Variants in ATG7 observed in about 807,000 individuals in gnomAD.
ATG7 encodes autophagy related 7, also known as ubiquitin-like modifier-activating enzyme ATG7.
In ATG7, 70 loss-of-function variants were observed where a neutral mutation model predicts 82.4. That is an observed-to-expected ratio of 0.85 (90% CI 0.70 to 1.04). ATG7 has a LOEUF of 1.04. Ranked by LOEUF, ATG7 falls within the 50% of genes least tolerant of loss-of-function variation. ATG7 has a pLI of 0.00. For synonymous variants in ATG7, 287 were observed against 313.0 expected (o/e 0.92, Z 0.88); for missense variants, 792 against 864.3 (o/e 0.92, Z 1.05).
In ATG7 at chr3:11,358,310, C is replaced by G; in HGVS notation, c.1285-108C>G. The G allele has an allele frequency of 3.6e-6, 4 of 1,109,870 alleles. No individual in the cohort carries two copies. In the South Asian group the frequency reaches 6.0e-5, roughly 17 times the overall value. The allele number at this position is 1,109,870 out of a possible 1,614,324, so 68.8% of individuals were successfully genotyped here. A position where few individuals can be genotyped will look rare whatever the true frequency, so the allele number is the denominator to read the frequency against. ...GCAGCATAATAGTGCACAGGGAGCTCTCATGTATGTGAACACAAGTAAGTG... is the reference window on the plus strand; with the variant it reads ...GCAGCATAATAGTGCACAGGGAGCTGTCATGTATGTGAACACAAGTAAGTG... On this transcript the variant is annotated intron_variant, in intron 14 of 20. Transcript: ENST00000693202.
intron 20 of ATG7, among the ~76,000 whole-genome samples, chr3:11,528,176 C>T (rs1179759690): frequency 2.0e-5 from 3 of 152,174 alleles, no homozygotes; most frequent in African/African-American, 7.2e-5. Context: ...TTTCACGGGG[C>T]AAGGTTTTCT....
chr3:11,296,484 G>T (rs1188708107), intron 3 of ATG7, among the ~76,000 whole-genome samples: 1 of 152,042 alleles, frequency 6.6e-6, no homozygotes, highest in African/African-American at 2.4e-5. Context: ...TCTAATCCAG[G>T]TCTTCATAAA....
chr3:11,449,490 T>C, intron 20 of ATG7, among the ~76,000 whole-genome samples: 1 of 152,116 alleles, frequency 6.6e-6, no homozygotes, highest in South Asian at 2.1e-4. Flanking sequence ...AGATTGAGAC[T>C]GAGAGGGTGA....
At chr3:11,524,137 C>A (rs1015032596) in intron 20 of ATG7, among the ~76,000 whole-genome samples, 13 of 152,194 alleles carry the variant, frequency 8.5e-5, no homozygotes, top group African/African-American at 2.9e-4. Context: ...CAAAAGGAAC[C>A]CCAAATCTCT....
chr3:11,527,108 T>A (rs1355057985), intron 20 of ATG7, among the ~76,000 whole-genome samples: 1 of 149,616 alleles, frequency 6.7e-6, no homozygotes, highest in Non-Finnish European at 1.5e-5. Flanking sequence ...CATATACATA[T>A]ACACACATTT....
chr3:11,535,723 G>A (rs113465598), intron 20 of ATG7, among the ~76,000 whole-genome samples: 3 of 152,108 alleles, frequency 2.0e-5, no homozygotes, highest in African/African-American at 4.8e-5. Context: ...GCGTGCGCTG[G>A]GGGGAGAACC....
chr3:11,564,769 C>G, the ATG7 span: 3 of 1,535,420 alleles, frequency 2.0e-6, no homozygotes, highest in Non-Finnish European at 2.6e-6. Flanking sequence ...CTGGACTCCC[C>G]ACGCCACCCT....
At chr3:11,553,595 T>TGACCCAGAGATAG (rs1234491910) in intron 20 of ATG7, among the ~76,000 whole-genome samples, 1 of 152,150 alleles carries the variant, frequency 6.6e-6, no homozygotes, top group Non-Finnish European at 1.5e-5. Context: ...GGTGGGGACC[T>TGACCCAGAGATAG]GACCCAGAGA....
At chr3:11,531,421 C>G (rs1003601847) in intron 20 of ATG7, among the ~76,000 whole-genome samples, 1 of 152,184 alleles carries the variant, frequency 6.6e-6, no homozygotes, top group Non-Finnish European at 1.5e-5. Flanking sequence ...AGGCAAAGCA[C>G]CTTCCTGAGG....
intron 20 of ATG7, among the ~76,000 whole-genome samples, chr3:11,442,379 C>A (rs1448501241): frequency 6.6e-6 from 1 of 152,064 alleles, no homozygotes; most frequent in East Asian, 1.9e-4. Flanking sequence ...GCTTTGAAAT[C>A]TTTAATACAA....
the ATG7 span, chr3:11,568,461 G>A: frequency 1.7e-6 from 2 of 1,170,710 alleles, no homozygotes; most frequent in Non-Finnish European, 2.4e-6. This position sits in a 1 kb window ranked among gnomAD's most constrained non-coding sequence, Gnocchi z 5.9. Context: ...CAGGGAGAAG[G>A]GGACTTCCAG....
At chr3:11,392,879 G>T (rs2078932116) in intron 19 of ATG7, among the ~76,000 whole-genome samples, 1 of 152,192 alleles carries the variant, frequency 6.6e-6, no homozygotes, top group Non-Finnish European at 1.5e-5. Flanking sequence ...TAACAATAAA[G>T]TCAAGTCTCA....
chr3:11,535,356 C>T (rs113963240), intron 20 of ATG7, among the ~76,000 whole-genome samples: 17 of 152,314 alleles, frequency 1.1e-4, no homozygotes, highest in South Asian at 2.1e-4. Flanking sequence ...TCTCTGTCTC[C>T]CAGTGGCACC....
chr3:11,385,057 GT>G (rs1426577000), intron 19 of ATG7, among the ~76,000 whole-genome samples: 2 of 152,144 alleles, frequency 1.3e-5, no homozygotes, highest in Non-Finnish European at 2.9e-5. Context: ...TTGGGACGGA[GT>G]CTTGCTCACT....
At chr3:11,544,791 A>G (rs576306668) in intron 20 of ATG7, among the ~76,000 whole-genome samples, 1 of 152,316 alleles carries the variant, frequency 6.6e-6, no homozygotes, top group East Asian at 1.9e-4. Context: ...TCCAGAACAG[A>G]TGGTTCTGAA....
intron 9 of ATG7, among the ~76,000 whole-genome samples, chr3:11,318,411 C>G (rs540984004): frequency 6.6e-6 from 1 of 152,138 alleles, no homozygotes; most frequent in African/African-American, 2.4e-5. Context: ...AGAATTGATA[C>G]GGGTGATACT....
chr3:11,378,712 G>T (rs1046439048), intron 18 of ATG7, among the ~76,000 whole-genome samples: 15 of 110,484 alleles, frequency 1.4e-4, no homozygotes, highest in African/African-American at 5.3e-4. Context: ...AAAAAAAATT[G>T]CTGTAGGCAT....
chr3:11,516,329 AGT>A (rs2092281368), intron 20 of ATG7, among the ~76,000 whole-genome samples: 1 of 151,936 alleles, frequency 6.6e-6, no homozygotes, highest in Non-Finnish European at 1.5e-5. Context: ...TAAAACTTAA[AGT>A]ATAATAATAA....
At chr3:11,500,421 C>T (rs965855560) in intron 20 of ATG7, among the ~76,000 whole-genome samples, 4 of 151,400 alleles carry the variant, frequency 2.6e-5, no homozygotes, top group African/African-American at 9.7e-5. Flanking sequence ...ATAGAAGTAA[C>T]AATAACATAT....
Sources: allele counts gnomAD v4.1 joint callset (sites outside exome capture counted in the v4.1 genomes callset), GRCh38; gene constraint gnomAD v4.1.1; non-coding constraint Gnocchi (gnomAD v3.1); transcripts MANE v1.5; gene names NCBI Gene and HGNC (gene_info 2026-07-23, HGNC 2026-07-21).